Variants in ENTREP2 observed in about 807,000 individuals in gnomAD.
ENTREP2 encodes the protein endosomal transmembrane epsin interactor 2.
At chr15:29,328,634 G>A in the ENTREP2 span, among the ~76,000 whole-genome samples, 1 of 152,140 alleles carries the variant, frequency 6.6e-6, no homozygotes, top group Non-Finnish European at 1.5e-5. Flanking sequence ...TTTCCCAGGT[G>A]GGCAGTGGTT....
At chr15:29,199,292 A>G in the ENTREP2 span, among the ~76,000 whole-genome samples, 1 of 152,200 alleles carries the variant, frequency 6.6e-6, no homozygotes, top group African/African-American at 2.4e-5. Context: ...AAGTACTGGA[A>G]GAGGTACTTC....
At chr15:29,563,600 G>A in the ENTREP2 span, among the ~76,000 whole-genome samples, 2 of 152,160 alleles carry the variant, frequency 1.3e-5, no homozygotes, top group East Asian at 3.9e-4. Context: ...GGGAGGCCAA[G>A]GCTGGTGGAC....
chr15:29,355,787 T>C, the ENTREP2 span, among the ~76,000 whole-genome samples: 1 of 152,134 alleles, frequency 6.6e-6, no homozygotes, highest in Non-Finnish European at 1.5e-5. Flanking sequence ...GGTGAAGAGA[T>C]GAATGAAAAT....
At chr15:29,315,856 C>T in the ENTREP2 span, among the ~76,000 whole-genome samples, 14 of 152,062 alleles carry the variant, frequency 9.2e-5, no homozygotes, top group South Asian at 6.2e-4. Flanking sequence ...TGACCCCACG[C>T]GATATCACTA....
At chr15:29,546,874 G>A in the ENTREP2 span, among the ~76,000 whole-genome samples, 184 of 138,214 alleles carry the variant, frequency 1.3e-3, no homozygotes, top group Non-Finnish European at 1.5e-3. Flanking sequence ...GTGACAGAGC[G>A]AGACTCCATC....
the ENTREP2 span, among the ~76,000 whole-genome samples, chr15:29,535,583 G>A: frequency 1.2e-4 from 18 of 152,168 alleles, no homozygotes; most frequent in Middle Eastern, 3.4e-3. Flanking sequence ...CCAGCTAGTC[G>A]GGAAGCTGAA....
chr15:29,463,738 T>G, the ENTREP2 span, among the ~76,000 whole-genome samples: 140,331 of 152,182 alleles, frequency 0.92, 64,719 homozygotes, highest in East Asian at 0.99. Context: ...GCAGGAGCTC[T>G]AACAGATATC....
the ENTREP2 span, among the ~76,000 whole-genome samples, chr15:29,296,592 T>C: frequency 1.3e-5 from 2 of 152,194 alleles, no homozygotes; most frequent in African/African-American, 4.8e-5. Flanking sequence ...AACTTGATGT[T>C]TTTTAAATTA....
At chr15:29,163,249 G>A in the ENTREP2 span, among the ~76,000 whole-genome samples, 1 of 152,112 alleles carries the variant, frequency 6.6e-6, no homozygotes, top group East Asian at 1.9e-4. Flanking sequence ...GACAAAATAA[G>A]GCTCTTGAAC....
the ENTREP2 span, among the ~76,000 whole-genome samples, chr15:29,185,825 A>G: frequency 3.9e-5 from 6 of 152,118 alleles, no homozygotes; most frequent in Non-Finnish European, 5.9e-5. Context: ...GCCTCCCAAA[A>G]TGCAGGGATT....
At chr15:29,293,414 AT>A in the ENTREP2 span, among the ~76,000 whole-genome samples, 7 of 121,774 alleles carry the variant, frequency 5.7e-5, no homozygotes, top group South Asian at 1.8e-3. Context: ...TGCCTGGCTA[AT>A]TTTTTGTATT....
chr15:29,301,303 C>T, the ENTREP2 span, among the ~76,000 whole-genome samples: 2 of 152,166 alleles, frequency 1.3e-5, no homozygotes, highest in Non-Finnish European at 2.9e-5. Flanking sequence ...CCTTGAATCA[C>T]TGAGAGGTCT....
At chr15:29,460,574 T>A in the ENTREP2 span, among the ~76,000 whole-genome samples, 1 of 152,152 alleles carries the variant, frequency 6.6e-6, no homozygotes, top group Non-Finnish European at 1.5e-5. Context: ...GAGGCTGCAG[T>A]GACCCGAGAT....
the ENTREP2 span, among the ~76,000 whole-genome samples, chr15:29,450,132 T>C: frequency 2.6e-5 from 4 of 152,222 alleles, no homozygotes; most frequent in African/African-American, 9.6e-5. Flanking sequence ...AAGTTCCTTG[T>C]AGATTCTGAA....
At chr15:29,519,469 G>C in the ENTREP2 span, among the ~76,000 whole-genome samples, 1 of 151,536 alleles carries the variant, frequency 6.6e-6, no homozygotes, top group East Asian at 1.9e-4. Context: ...CTACAACAAA[G>C]ATGAAGACCT....
At chr15:29,236,637 A>G in the ENTREP2 span, among the ~76,000 whole-genome samples, 1 of 152,226 alleles carries the variant, frequency 6.6e-6, no homozygotes, top group Non-Finnish European at 1.5e-5. Context: ...TGACAGAGCA[A>G]GATCCTGTCT....
the ENTREP2 span, among the ~76,000 whole-genome samples, chr15:29,214,551 G>A: frequency 6.6e-6 from 1 of 152,098 alleles, no homozygotes; most frequent in Non-Finnish European, 1.5e-5. Context: ...GGTGGGAGGA[G>A]GTGGGAGGGA....
chr15:29,337,676 G>A, the ENTREP2 span, among the ~76,000 whole-genome samples: 2 of 152,290 alleles, frequency 1.3e-5, no homozygotes, highest in East Asian at 3.9e-4. Flanking sequence ...AAAGACAGAG[G>A]CTAATCAGAG....
chr15:29,130,566 A>C, the ENTREP2 span, among the ~76,000 whole-genome samples: 4 of 152,176 alleles, frequency 2.6e-5, no homozygotes, highest in East Asian at 3.9e-4. Context: ...AATATAAATA[A>C]AACAAGAGAA....
Sources: gnomAD v4.1 joint callset for allele counts (sites outside exome capture counted in the v4.1 genomes callset) on GRCh38, gnomAD v4.1.1 for gene constraint, MANE v1.5 for transcripts, NCBI Gene and HGNC (gene_info 2026-07-23, HGNC 2026-07-21) for gene names.